GPC5: variants seen among roughly 807,000 people sequenced by gnomAD.
GPC5 encodes glypican 5.
Under a neutral mutation model 53.9 loss-of-function variants are expected in GPC5, and 47 were observed. That is an observed-to-expected ratio of 0.87 (90% confidence interval 0.69 to 1.11). GPC5 has a LOEUF of 1.11. Ranked by LOEUF, GPC5 falls within the 50% of genes most tolerant of loss-of-function variation. The pLI is 0.00. For synonymous variants in GPC5, 286 were observed against 263.3 expected (o/e 1.09, Z -0.84); for missense variants, 748 against 713.1 (o/e 1.05, Z -0.56).
At chr13:92,110,824 C>A (rs913118474) in intron 6 of GPC5, among the ~76,000 whole-genome samples, 1 of 152,112 alleles carries the variant, frequency 6.6e-6, no homozygotes, top group Non-Finnish European at 1.5e-5. Context: ...TGCTGATAAC[C>A]TTTTGCTGTC....
chr13:91,514,378 T>C (rs1368749336), intron 2 of GPC5, among the ~76,000 whole-genome samples: 1 of 152,214 alleles, frequency 6.6e-6, no homozygotes, highest in East Asian at 1.9e-4. Context: ...TTAATTTGCA[T>C]TTCCCTAATA....
At chr13:91,657,104 A>G (rs1407760162) in intron 2 of GPC5, among the ~76,000 whole-genome samples, 1 of 152,174 alleles carries the variant, frequency 6.6e-6, no homozygotes, top group African/African-American at 2.4e-5. Context: ...AAGCAAGGAC[A>G]TGATACAACT....
At position 91,498,382 on chromosome 13, in the gene GPC5, A is replaced by G. The variant is rs967793158; in HGVS notation, c.325+49460A>G. On this transcript the variant is annotated intron_variant, in intron 2 of 7. Transcript: ENST00000377067. ...TTGTTGACCGACTGAGTGAACGAGTAAAGGAGAAAAAAGCAACCTGTCTTG... is the reference window on the plus strand; with the variant it reads ...TTGTTGACCGACTGAGTGAACGAGTGAAGGAGAAAAAAGCAACCTGTCTTG... Among the ~76,000 whole-genome samples, 6 of 152,118 alleles carry G rather than the reference A, an allele frequency of 3.9e-5. No individual in the cohort carries two copies. The South Asian group carries it at 1.2e-3, about 32-fold the overall frequency.
chr13:92,209,540 C>T (rs1029726646), intron 7 of GPC5, among the ~76,000 whole-genome samples: 7 of 152,058 alleles, frequency 4.6e-5, no homozygotes, highest in Non-Finnish European at 1.0e-4. Flanking sequence ...AACTAACATC[C>T]ACAGAAGGCC....
At chr13:92,559,644 C>T (rs1882629349) in intron 7 of GPC5, among the ~76,000 whole-genome samples, 1 of 151,632 alleles carries the variant, frequency 6.6e-6, no homozygotes, top group Non-Finnish European at 1.5e-5. Flanking sequence ...TGCTTAGAGC[C>T]TACTAACATT....
intron 7 of GPC5, among the ~76,000 whole-genome samples, chr13:92,520,520 G>A (rs1880998691): frequency 6.6e-6 from 1 of 152,036 alleles, no homozygotes; most frequent in African/African-American, 2.4e-5. Context: ...CAGAACCAAA[G>A]ATTAAAAACC....
chr13:92,019,228 T>C lies in GPC5; in HGVS notation c.1401+111171T>C, dbSNP rs540917014. Reference sequence around the variant, plus strand: ...CTCTCTCTATATATATTAAGCTCTATATATTATAGCTTAATATATAAGTAT... The same window carrying C: ...CTCTCTCTATATATATTAAGCTCTACATATTATAGCTTAATATATAAGTAT... On this transcript the variant is annotated intron_variant, in intron 6 of 7. Coordinates refer to ENST00000377067, the MANE Select transcript of GPC5 (RefSeq NM_004466.6). Among the ~76,000 whole-genome samples the C allele has an allele frequency of 1.1e-4, 16 of 151,340 alleles. No homozygotes were observed. In the South Asian group the frequency reaches 3.1e-3, roughly 30 times the overall value.
intron 7 of GPC5, among the ~76,000 whole-genome samples, chr13:92,442,733 A>G (rs571998681): frequency 1.3e-5 from 2 of 151,524 alleles, no homozygotes; most frequent in South Asian, 2.1e-4. Flanking sequence ...AGCTACTCCA[A>G]AAAAACTCAA....
intron 6 of GPC5, among the ~76,000 whole-genome samples, chr13:92,007,104 G>A (rs1274841778): frequency 6.6e-6 from 1 of 152,102 alleles, no homozygotes; most frequent in African/African-American, 2.4e-5. Context: ...AGTTCAGTAT[G>A]CAATATGACA....
chr13:91,505,010 A>C (rs980409077), intron 2 of GPC5, among the ~76,000 whole-genome samples: 12 of 152,326 alleles, frequency 7.9e-5, no homozygotes, highest in Admixed American at 7.2e-4. Flanking sequence ...GAACAAATGG[A>C]AGGATATATC....
chr13:92,750,344 A>G (rs867061249), intron 7 of GPC5, among the ~76,000 whole-genome samples: 25 of 152,210 alleles, frequency 1.6e-4, no homozygotes, highest in African/African-American at 5.8e-4. Flanking sequence ...TTTTATGTAA[A>G]TTTCATTATA....
intron 7 of GPC5, among the ~76,000 whole-genome samples, chr13:92,823,041 G>C (rs1409665741): frequency 6.6e-6 from 1 of 151,376 alleles, no homozygotes; most frequent in African/African-American, 2.4e-5. Context: ...TCCACTAAAA[G>C]ATTAAAAAAG....
At chr13:91,646,182 G>A (rs1476248386) in intron 2 of GPC5, among the ~76,000 whole-genome samples, 1 of 152,090 alleles carries the variant, frequency 6.6e-6, no homozygotes, top group African/African-American at 2.4e-5. Context: ...GATGGTTCAG[G>A]TTATTTGAAG....
At chr13:91,784,023 AT>A (rs1363749876) in intron 5 of GPC5, among the ~76,000 whole-genome samples, 1 of 152,188 alleles carries the variant, frequency 6.6e-6, no homozygotes, top group Non-Finnish European at 1.5e-5. Context: ...TGTGGATATA[AT>A]TTTTAGGAAG....
At chr13:92,610,795 A>C (rs915140532) in intron 7 of GPC5, among the ~76,000 whole-genome samples, 4 of 152,044 alleles carry the variant, frequency 2.6e-5, no homozygotes, top group Non-Finnish European at 5.9e-5. Context: ...AAGGAGGAAG[A>C]GCCCCTTAGA....
intron 5 of GPC5, among the ~76,000 whole-genome samples, chr13:91,879,656 A>C (rs545381768): frequency 1.9e-4 from 29 of 152,332 alleles, no homozygotes; most frequent in African/African-American, 6.7e-4. Flanking sequence ...ATTACTTCCC[A>C]AAAGCGCCAT....
chr13:92,153,487 T>C (rs1352784535), intron 7 of GPC5, among the ~76,000 whole-genome samples: 5 of 152,198 alleles, frequency 3.3e-5, no homozygotes, highest in Non-Finnish European at 5.9e-5. Context: ...AATACATAAC[T>C]CATTTATGTA....
intron 6 of GPC5, among the ~76,000 whole-genome samples, chr13:92,085,964 G>A (rs2041332564): frequency 1.3e-5 from 2 of 152,170 alleles, no homozygotes; most frequent in Non-Finnish European, 2.9e-5. Context: ...TAACAGCCAC[G>A]GACTAGTATG....
intron 6 of GPC5, among the ~76,000 whole-genome samples, chr13:92,064,764 A>AAAAAAAAAAAAAAAAAAAAAAAAAAAAAC (rs1555308147): frequency 7.2e-6 from 1 of 138,364 alleles, no homozygotes; most frequent in Non-Finnish European, 1.6e-5. Context: ...CTCAAAAAAA[A>AAAAAAAAAAAAAAAAAAAAAAAAAAAAAC]AAAACAAAAC....
Sources: gnomAD v4.1 joint callset for allele counts (sites outside exome capture counted in the v4.1 genomes callset) on GRCh38, gnomAD v4.1.1 for gene constraint, MANE v1.5 for transcripts, NCBI Gene and HGNC (gene_info 2026-07-23, HGNC 2026-07-21) for gene names.